HOMER2: variants seen among roughly 807,000 people sequenced by gnomAD.
The protein encoded by HOMER2 is homer protein homolog 2.
In HOMER2, 27 loss-of-function variants were observed where a neutral mutation model predicts 47.0. That is an observed-to-expected ratio of 0.57 (90% CI 0.42 to 0.79). The LOEUF (loss-of-function observed/expected upper bound fraction) is 0.79, where lower values mean the gene tolerates loss of function less well. HOMER2 is among the 30% of genes least tolerant of loss of function. The probability of loss-of-function intolerance (pLI) is 0.00; values close to 1 mark genes in which losing one functional copy is unlikely to be tolerated. For missense variants in HOMER2, 443 were observed against 435.0 expected (o/e 1.02, Z -0.16); for synonymous variants, 161 against 163.8 (o/e 0.98, Z 0.13).
upstream of HOMER2, chr15:82,952,769 C>T (rs1329397767): frequency 8.7e-6 from 8 of 924,414 alleles, no homozygotes; most frequent in East Asian, 5.9e-4. Context: ...CCGCCCCGCC[C>T]TCCCCAGCCG....
At chr15:82,851,594 T>C (rs1007433988) in intron 7 of HOMER2, among the ~76,000 whole-genome samples, 1 of 152,086 alleles carries the variant, frequency 6.6e-6, no homozygotes, top group East Asian at 1.9e-4. Context: ...ATGGTGGCAG[T>C]GAGTGCAGGT....
intron 6 of HOMER2, among the ~76,000 whole-genome samples, chr15:82,854,383 G>A (rs1387982804): frequency 6.6e-6 from 1 of 152,082 alleles, no homozygotes; most frequent in Non-Finnish European, 1.5e-5. Context: ...TCCAGCCTGG[G>A]TGACAGAGCG....
At chr15:82,855,279 T>A (rs1176397624) in intron 5 of HOMER2, among the ~76,000 whole-genome samples, 1 of 118,890 alleles carries the variant, frequency 8.4e-6, no homozygotes, top group Non-Finnish European at 1.6e-5. Flanking sequence ...TGAGCCGAGA[T>A]CACGCCACTG....
chr15:82,974,850 G>A (rs573881394), intron 1 of HOMER2, among the ~76,000 whole-genome samples: 14 of 152,190 alleles, frequency 9.2e-5, no homozygotes, highest in African/African-American at 2.2e-4. Context: ...CAGGTGGATC[G>A]CCTGAGGTCA....
intron 1 of HOMER2, among the ~76,000 whole-genome samples, chr15:82,940,331 A>C (rs1457778239): frequency 6.6e-6 from 1 of 152,220 alleles, no homozygotes; most frequent in Non-Finnish European, 1.5e-5. Flanking sequence ...ATGATAGCTT[A>C]ATTGTGTCCT....
chr15:82,938,779 T>C (rs909843057), intron 1 of HOMER2, among the ~76,000 whole-genome samples: 3 of 152,168 alleles, frequency 2.0e-5, no homozygotes, highest in African/African-American at 7.2e-5. Context: ...GCCCTAACAC[T>C]CCCACTCCCA....
chr15:82,866,110 G>A (rs115583906), intron 3 of HOMER2, among the ~76,000 whole-genome samples: 30,310 of 152,136 alleles, frequency 0.2, 3,344 homozygotes, highest in Non-Finnish European at 0.23. Flanking sequence ...ATTCAATGCC[G>A]GCCCGTGAAA....
At chr15:82,905,552 T>C (rs939541116) in intron 1 of HOMER2, among the ~76,000 whole-genome samples, 3 of 151,640 alleles carry the variant, frequency 2.0e-5, no homozygotes, top group Non-Finnish European at 4.4e-5. Context: ...AAAAATAAAT[T>C]TAAAATCTTG....
At chr15:82,949,246 T>C (rs1178477938) in intron 1 of HOMER2, among the ~76,000 whole-genome samples, 1 of 152,106 alleles carries the variant, frequency 6.6e-6, no homozygotes, top group Non-Finnish European at 1.5e-5. Context: ...ATCATGGGCA[T>C]ATCGATGGCA....
intron 4 of HOMER2, 98 bp downstream of exon 4, chr15:82,864,069 T>A: frequency 1.4e-6 from 1 of 694,212 alleles, no homozygotes; most frequent in East Asian, 2.6e-5. Flanking sequence ...CAAAATGACC[T>A]ATTGTCAAAA....
chr15:82,964,703 T>C (rs1273713879), intron 1 of HOMER2, among the ~76,000 whole-genome samples: 1 of 152,000 alleles, frequency 6.6e-6, no homozygotes, highest in East Asian at 1.9e-4. Flanking sequence ...GAGGCAGAGG[T>C]TGCACCACTG....
intron 3 of HOMER2, among the ~76,000 whole-genome samples, chr15:82,868,541 A>ATATATATATATATATATATATTTTT: frequency 1.4e-5 from 1 of 71,264 alleles, no homozygotes; most frequent in African/African-American, 5.0e-5. Flanking sequence ...ATATATATAT[A>ATATATATATATATATATATATTTTT]TTTTTTTTTT....
upstream of HOMER2, among the ~76,000 whole-genome samples, chr15:82,953,286 T>C (rs917409497): frequency 3.3e-5 from 5 of 152,040 alleles, no homozygotes; most frequent in Non-Finnish European, 7.4e-5. Context: ...CGGCAGATGC[T>C]CTGGGCTCTT....
chr15:82,934,917 G>T (rs1026826961), intron 1 of HOMER2, among the ~76,000 whole-genome samples: 1 of 152,100 alleles, frequency 6.6e-6, no homozygotes, highest in Non-Finnish European at 1.5e-5. Context: ...CACGCTCTCT[G>T]CTGACGACCC....
intron 1 of HOMER2, among the ~76,000 whole-genome samples, chr15:82,966,562 A>C (rs548942054): frequency 6.6e-6 from 1 of 152,230 alleles, no homozygotes; most frequent in African/African-American, 2.4e-5. Flanking sequence ...AGGAGCCTCC[A>C]GCAGAAAAAG....
intron 3 of HOMER2, among the ~76,000 whole-genome samples, chr15:82,874,487 C>A (rs1043588678): frequency 6.6e-6 from 1 of 152,208 alleles, no homozygotes; most frequent in Non-Finnish European, 1.5e-5. Flanking sequence ...CAGAGGCGAT[C>A]AGTTTATTCC....
chr15:82,851,060 G>C (rs1478410672), intron 8 of HOMER2, 91 bp downstream of exon 8: 1 of 857,896 alleles, frequency 1.2e-6, no homozygotes, highest in African/African-American at 1.7e-5. Context: ...AGCATTCTCA[G>C]TGTGAAAGTG....
intron 1 of HOMER2, among the ~76,000 whole-genome samples, chr15:82,909,213 G>A (rs950714615): frequency 6.6e-6 from 1 of 152,204 alleles, no homozygotes; most frequent in African/African-American, 2.4e-5. Context: ...GCTTGGTGCT[G>A]CGAAGTGAAA....
intron 2 of HOMER2, among the ~76,000 whole-genome samples, chr15:82,879,422 C>G (rs79401880): frequency 0.057 from 8,673 of 152,110 alleles, 565 homozygotes; most frequent in African/African-American, 0.16. Context: ...CCTGGGGCTC[C>G]GGAGGTCAAG....
Sources: gnomAD v4.1 joint callset for allele counts (sites outside exome capture counted in the v4.1 genomes callset) on GRCh38, gnomAD v4.1.1 for gene constraint, MANE v1.5 for transcripts, NCBI Gene and HGNC (gene_info 2026-07-23, HGNC 2026-07-21) for gene names.